The following ADAMTSL1 variants were observed in gnomAD, a reference collection of about 807,000 sequenced individuals.
ADAMTSL1 encodes the protein ADAMTS like 1.
A neutral mutation model predicts 201.8 loss-of-function variants in ADAMTSL1; 126 were observed. The observed-to-expected ratio is 0.62, with a 90% confidence interval of 0.54 to 0.72. The LOEUF (loss-of-function observed/expected upper bound fraction) is 0.72, where lower values mean the gene tolerates loss of function less well. ADAMTSL1 is among the 30% of genes least tolerant of loss of function. ADAMTSL1 has a pLI of 0.00. For synonymous variants in ADAMTSL1, 1,121 were observed against 903.4 expected, an observed-to-expected ratio of 1.24 and a Z score of -4.32; for missense variants, 2,679 against 2,277.8, an observed-to-expected ratio of 1.18 and a Z score of -3.59.
intron 1 of ADAMTSL1, among the ~76,000 whole-genome samples, chr9:17,977,201 T>C (rs142016230): frequency 1.3e-5 from 2 of 152,274 alleles, no homozygotes; most frequent in African/African-American, 4.8e-5. Flanking sequence ...ATGATCCTTT[T>C]AATGTGCTGT....
chr9:18,169,934 A>G (rs1031162270), intron 2 of ADAMTSL1, among the ~76,000 whole-genome samples: 5 of 152,062 alleles, frequency 3.3e-5, no homozygotes, highest in African/African-American at 9.7e-5. Flanking sequence ...GCTCACAACT[A>G]TAACTTGAGT....
chr9:18,355,077 G>A (rs1445161719), intron 2 of ADAMTSL1, among the ~76,000 whole-genome samples: 1 of 152,120 alleles, frequency 6.6e-6, no homozygotes, highest in Non-Finnish European at 1.5e-5. Context: ...GCCCCAGCAA[G>A]AGCAGATTTG....
At chr9:18,687,223 CTAAG>C (rs542374422) in intron 13 of ADAMTSL1, among the ~76,000 whole-genome samples, 10 of 152,288 alleles carry the variant, frequency 6.6e-5, no homozygotes, top group African/African-American at 1.7e-4. Flanking sequence ...AAGAAACGTC[CTAAG>C]TGTCACTTTT....
chr9:18,335,571 G>C (rs1441590438), intron 2 of ADAMTSL1, among the ~76,000 whole-genome samples: 1 of 152,038 alleles, frequency 6.6e-6, no homozygotes, highest in African/African-American at 2.4e-5. Flanking sequence ...AACAGATTCT[G>C]GACCCCTCCT....
intron 2 of ADAMTSL1, among the ~76,000 whole-genome samples, chr9:18,429,194 C>CACT (rs1243492020): frequency 1.3e-5 from 2 of 151,896 alleles, no homozygotes; most frequent in Non-Finnish European, 2.9e-5. Context: ...TATTCTTTGC[C>CACT]ACTAGATCAG....
At chr9:18,539,601 A>G (rs190183460) in intron 3 of ADAMTSL1, among the ~76,000 whole-genome samples, 43 of 152,302 alleles carry the variant, frequency 2.8e-4, no homozygotes, top group Admixed American at 1.1e-3. Context: ...ATTCCTTTCT[A>G]TGACATCTCA....
chr9:18,174,634 G>A (rs1828057020), intron 2 of ADAMTSL1, among the ~76,000 whole-genome samples: 1 of 151,982 alleles, frequency 6.6e-6, no homozygotes, highest in Non-Finnish European at 1.5e-5. Context: ...TTTAGAGTTA[G>A]TGCTATTTCA....
At chr9:18,204,678 G>T (rs1017567910) in intron 2 of ADAMTSL1, among the ~76,000 whole-genome samples, 3 of 152,044 alleles carry the variant, frequency 2.0e-5, no homozygotes, top group Admixed American at 6.6e-5. Context: ...AAGACTGGTT[G>T]CCAGCAGCCT....
At chr9:18,191,870 G>A (rs574938157) in intron 2 of ADAMTSL1, among the ~76,000 whole-genome samples, 1 of 152,034 alleles carries the variant, frequency 6.6e-6, no homozygotes, top group Admixed American at 6.6e-5. Flanking sequence ...CACTTGAAGG[G>A]AGCCTTTGAA....
At chr9:18,520,312 AT>A (rs1435191291) in intron 2 of ADAMTSL1, among the ~76,000 whole-genome samples, 28 of 152,326 alleles carry the variant, frequency 1.8e-4, no homozygotes, top group African/African-American at 6.3e-4. Context: ...CATAATTTCT[AT>A]TTATATCAAA....
intron 13 of ADAMTSL1, among the ~76,000 whole-genome samples, chr9:18,688,855 G>C (rs1211403274): frequency 6.7e-6 from 1 of 150,102 alleles, no homozygotes; most frequent in Non-Finnish European, 1.5e-5. Context: ...TAAGACTCTG[G>C]GAGAGTTCCA....
At chr9:18,064,128 G>A (rs923477740) in intron 1 of ADAMTSL1, among the ~76,000 whole-genome samples, 3 of 152,142 alleles carry the variant, frequency 2.0e-5, no homozygotes, top group Non-Finnish European at 4.4e-5. Flanking sequence ...CAAGCAAATT[G>A]TAGATCTGGG....
chr9:18,019,550 C>T (rs1255280067), intron 1 of ADAMTSL1, among the ~76,000 whole-genome samples: 1 of 152,006 alleles, frequency 6.6e-6, no homozygotes, highest in Non-Finnish European at 1.5e-5. Context: ...CTCAGTAGGG[C>T]CTCTAAGAAG....
intron 1 of ADAMTSL1, among the ~76,000 whole-genome samples, chr9:18,110,648 G>A (rs889091295): frequency 6.6e-6 from 1 of 152,078 alleles, no homozygotes; most frequent in African/African-American, 2.4e-5. Context: ...TCTTTTCTTG[G>A]TGACTACCAA....
intron 4 of ADAMTSL1, among the ~76,000 whole-genome samples, chr9:18,588,501 C>A (rs955185757): frequency 7.2e-5 from 11 of 151,934 alleles, no homozygotes; most frequent in African/African-American, 2.7e-4. Context: ...GTTTTCTGTG[C>A]TTTTGAGATC....
chr9:18,905,724 G>A, intron 26 of ADAMTSL1, 58 bp from the exon 27 acceptor site: 1 of 1,399,762 alleles, frequency 7.1e-7, no homozygotes, highest in Middle Eastern at 2.0e-4. Context: ...CCCAAGCACG[G>A]CGGCCTCCAC....
intron 14 of ADAMTSL1, among the ~76,000 whole-genome samples, chr9:18,711,671 G>GGGGCGCCCGCCATTGCCC (rs1221293538): frequency 6.6e-6 from 1 of 152,248 alleles, no homozygotes; most frequent in Non-Finnish European, 1.5e-5. Flanking sequence ...GGCTGGGGGA[G>GGGGCGCCCGCCATTGCCC]GGGCGCCCGC....
At chr9:18,546,933 C>A (rs1194085464) in intron 3 of ADAMTSL1, among the ~76,000 whole-genome samples, 2 of 152,050 alleles carry the variant, frequency 1.3e-5, no homozygotes, top group Non-Finnish European at 2.9e-5. Context: ...TTTGAAAACA[C>A]CTGCTTTATG....
chr9:18,867,349 T>G lies in ADAMTSL1; in HGVS notation c.4250-20482T>G, dbSNP rs191540862. Among the ~76,000 whole-genome samples, 6 of 152,390 alleles carry G rather than the reference T, an allele frequency of 3.9e-5. No individual in the cohort carries two copies. In the East Asian group the frequency reaches 1.2e-3, roughly 29 times the overall value. ...GGCTGGTACAGCAATTGTTTTAAAC[T>G]TGTTAAAACTTTCTAGAAAATAGAG... On this transcript the variant is annotated intron_variant, in intron 23 of 28. Transcript: ENST00000380548.
Sources: allele counts gnomAD v4.1 joint callset (sites outside exome capture counted in the v4.1 genomes callset), GRCh38; gene constraint gnomAD v4.1.1; transcripts MANE v1.5; gene names NCBI Gene and HGNC (gene_info 2026-07-23, HGNC 2026-07-21).